The following C19orf53 variants were observed in gnomAD, a reference collection of about 807,000 sequenced individuals.
The protein encoded by C19orf53 is leydig cell tumor 10 kDa protein homolog.
In C19orf53, 9 loss-of-function variants were observed where a neutral mutation model predicts 6.5. The observed-to-expected ratio is 1.38, with a 90% CI of 0.83 to 2.40. The LOEUF is 2.40. C19orf53 is among the 30% of genes most tolerant of loss of function. C19orf53 has a pLI of 0.00. For missense variants in C19orf53, 166 were observed against 129.7 expected, an observed-to-expected ratio of 1.28 and a Z score of -1.36; for synonymous variants, 68 against 52.5, an observed-to-expected ratio of 1.29 and a Z score of -1.27.
Position 13,774,889 on chromosome 19 carries a change from G to A in C19orf53, c.153+182G>A, listed in dbSNP as rs749716483. ...GCGTTAGGAGCGAAGGATGGAGCCC[G>A]GGGCGCAGAGAGGGGTAAGAGGTGG... On this transcript the variant is annotated intron_variant, in intron 2 of 2. Coordinates refer to ENST00000588234, the MANE Select transcript of C19orf53 (RefSeq NM_014047.3). 4 of 787,508 alleles carry A rather than the reference G, an allele frequency of 5.1e-6. No individual in the cohort carries two copies. The African/African-American group carries it at 5.3e-5, about 10-fold the overall frequency. The allele number at this position is 787,508 out of a possible 1,614,324, so 48.8% of individuals were successfully genotyped here.
Position 13,778,059 on chromosome 19 carries a change from A to G in C19orf53, c.161A>G (p.Glu54Gly). Residue 54 changes from glutamate to glycine, a missense_variant, in exon 3 of 3, where the codon GAA (glutamate) becomes GGA (glycine). By Grantham distance (98) the Glu-to-Gly change is moderately conservative (BLOSUM62 -2). Coordinates refer to ENST00000588234, the MANE Select transcript of C19orf53 (RefSeq NM_014047.3). ...VQQQKLKKNLEVGIRKKIEHD... is the reference protein window; with the variant it reads ...VQQQKLKKNLGVGIRKKIEHD... ...CCCGTGCTTCTCCCTCAGAACCTAG[A>G]AGTCGGAATCCGGAAGAAGATCGAA... The G allele has an allele frequency of 2.5e-6, 4 of 1,610,194 alleles. No individual in the cohort carries two copies. The highest frequency in any genetic ancestry group is 1.1e-5 in the South Asian group (1 of 90,624).
chr19:13,777,918 C>T (rs1273953222), intron 2 of C19orf53, 134 bp from the exon 3 acceptor site: 1 of 1,152,062 alleles, frequency 8.7e-7, no homozygotes, highest in East Asian at 2.5e-5. Flanking sequence ...AGCCACCAGA[C>T]CCACAGTCAG....
At chr19:13,777,811 C>G (rs75643705) in intron 2 of C19orf53, among the ~76,000 whole-genome samples, 1,857 of 152,292 alleles carry the variant, frequency 0.012, 33 homozygotes, top group Middle Eastern at 0.017. Flanking sequence ...GTTTCCCCAT[C>G]CATAAAATGG....
At position 13,778,627 on chromosome 19, in the gene C19orf53, G is replaced by T. The variant is rs144669075; in HGVS notation, c.*429G>T. On this transcript the variant is annotated 3_prime_UTR_variant, in exon 3 of 3. Transcript: ENST00000588234. Reference sequence around the variant, plus strand: ...GGCCCTGAGCCTGAGAGCCGGGAAAGAGTCTTTTCTCCATTTAACCCCGGG... The same window carrying T: ...GGCCCTGAGCCTGAGAGCCGGGAAATAGTCTTTTCTCCATTTAACCCCGGG... 7.6e-4 allele frequency among the ~76,000 whole-genome samples: 116 copies of T among 152,264 alleles called. No homozygotes were observed. The highest frequency in any genetic ancestry group is 6.8e-3 in the Middle Eastern group (2 of 294).
chr19:13,778,582 A>C lies in C19orf53; in HGVS notation c.*384A>C, dbSNP rs1748863550. ...TTTAGCAACCATGTGCCCAGGGGAC[A>C]GCTGGGCTTCTACACCTCTGGCCCT... On this transcript the variant is annotated 3_prime_UTR_variant, in exon 3 of 3. Coordinates refer to ENST00000588234, the MANE Select transcript of C19orf53 (RefSeq NM_014047.3). The C allele has an allele frequency of 6.2e-6, 1 of 161,246 alleles. No individual in the cohort carries two copies. The highest frequency in any genetic ancestry group is 6.4e-5 in the Admixed American group (1 of 15,554). The allele number at this position is 161,246 out of a possible 1,614,324, so 10.0% of individuals were successfully genotyped here.
At chr19:13,774,773 G>A in intron 2 of C19orf53, 66 bp downstream of exon 2, 1 of 1,544,510 alleles carries the variant, frequency 6.5e-7, no homozygotes, top group South Asian at 1.2e-5. Context: ...CCGGAGGACG[G>A]CGAGGGGGGA....
At chr19:13,778,004 T>C in intron 2 of C19orf53, 48 bp from the exon 3 acceptor site, 5 of 1,566,126 alleles carry the variant, frequency 3.2e-6, no homozygotes, top group Non-Finnish European at 4.3e-6. Context: ...GGTCAGGCCC[T>C]CTCTCAGCCC....
rs368325308 is a variant in C19orf53 at position 13,778,713 on chromosome 19, A to G, written c.*515A>G. Among the ~76,000 whole-genome samples the G allele has an allele frequency of 1.3e-5, 2 of 152,324 alleles. No individual in the cohort carries two copies. The highest frequency in any genetic ancestry group is 4.1e-4 in the South Asian group (2 of 4,828). On this transcript the variant is annotated 3_prime_UTR_variant, in exon 3 of 3. Transcript: ENST00000588234. ...CACAACCAGAGTCAAGCTGGACATC[A>G]GTAGGTCAGATGCCACCTCACAGGA...
intron 2 of C19orf53, chr19:13,775,019 G>A (rs1023726991): frequency 4.1e-6 from 2 of 490,620 alleles, no homozygotes; most frequent in Non-Finnish European, 7.2e-6. Flanking sequence ...CAAGGGATGA[G>A]GCCTGGAGGA....
Position 13,774,520 on chromosome 19 carries a change from A to T in C19orf53, c.43A>T (p.Lys15Ter). 1 of 1,613,732 alleles carries T rather than the reference A, an allele frequency of 6.2e-7. No individual in the cohort carries two copies. The highest frequency in any genetic ancestry group is 8.5e-7 in the Non-Finnish European group (1 of 1,179,778). Residue 15 changes from lysine (K) to a stop codon, truncating the protein, a stop_gained, in exon 1 of 3, where the codon AAG becomes TAG. Transcript: ENST00000588234. LOFTEE classifies it high-confidence loss of function. Reference sequence around the variant, plus strand: ...CAAGTTTCAGGCGCACAAACCCGCAAAGAGTAAGACGGCAGCGGCAGCCTC... The same window carrying T: ...CAAGTTTCAGGCGCACAAACCCGCATAGAGTAAGACGGCAGCGGCAGCCTC... ...QRKFQAHKPAKSKTAAAASEK... is the reference protein window; with the variant it reads ...QRKFQAHKPA
At chr19:13,776,118 G>A (rs1033552642) in intron 2 of C19orf53, among the ~76,000 whole-genome samples, 5 of 141,776 alleles carry the variant, frequency 3.5e-5, no homozygotes, top group East Asian at 4.1e-4. Flanking sequence ...CCACCACACC[G>A]GGCTAATTTT....
At chr19:13,776,926 G>C (rs1974377300) in intron 2 of C19orf53, among the ~76,000 whole-genome samples, 2 of 152,228 alleles carry the variant, frequency 1.3e-5, no homozygotes, top group Non-Finnish European at 2.9e-5. Context: ...CGATGCTGGT[G>C]ATCGTGGTCA....
chr19:13,777,353 A>G (rs1432713755), intron 2 of C19orf53, among the ~76,000 whole-genome samples: 1 of 151,824 alleles, frequency 6.6e-6, no homozygotes, highest in African/African-American at 2.4e-5. Flanking sequence ...TCGACCACCC[A>G]AACAGCTGAG....
Position 13,778,297 on chromosome 19 carries a change from T to G in C19orf53, c.*99T>G, listed in dbSNP as rs924691501. On this transcript the variant is annotated 3_prime_UTR_variant, in exon 3 of 3. Coordinates refer to ENST00000588234, the MANE Select transcript of C19orf53 (RefSeq NM_014047.3). ...CTGCACTGTCAGGAAGAGGACCCTG[T>G]CCCCCAGCACTGGGCTTCACCTAGA... 2 of 1,389,692 alleles carry G rather than the reference T, an allele frequency of 1.4e-6. No homozygotes were observed. Among genetic ancestry groups the G allele is most frequent in the South Asian group, 1.6e-5 (1 of 61,020 alleles). 86.1% of individuals were successfully genotyped at this position (1,389,692 alleles called of 1,614,324 possible). A position where few individuals can be genotyped will look rare whatever the true frequency, so the allele number is the denominator to read the frequency against.
intron 2 of C19orf53, 138 bp downstream of exon 2, chr19:13,774,845 G>T: frequency 1.6e-6 from 2 of 1,212,616 alleles, no homozygotes; most frequent in Non-Finnish European, 2.3e-6. Context: ...CTAGGAGCGA[G>T]GGGATAGAGC....
Position 13,775,796 on chromosome 19 carries a change from G to C in C19orf53, c.153+1089G>C, listed in dbSNP as rs78292641. Among the ~76,000 whole-genome samples, 1,299 of 152,228 alleles carry C rather than the reference G, an allele frequency of 8.5e-3. 12 individuals are homozygous for C. The highest frequency in any genetic ancestry group is 0.015 in the Non-Finnish European group (1,004 of 68,016). On this transcript the variant is annotated intron_variant, in intron 2 of 2. Coordinates refer to ENST00000588234, the MANE Select transcript of C19orf53 (RefSeq NM_014047.3). ...CCACTGGCCCGCTTACCTCCGTGGA[G>C]TGGGGAATCTCATGGTCACCTTGCA... is the stretch of plus-strand genomic sequence containing the variant.
Position 13,778,071 on chromosome 19 carries a change from GGAA to G in C19orf53, c.179_181del (p.Lys60del), listed in dbSNP as rs779694912. ...CCTCAGAACCTAGAAGTCGGAATCC[GGAA>G]GAAGATCGAACATGACGTGGTGATG... On this transcript the variant is annotated inframe_deletion, in exon 3 of 3. Coordinates refer to ENST00000588234, the MANE Select transcript of C19orf53 (RefSeq NM_014047.3). 126 of 1,611,720 alleles carry G rather than the reference GGAA, an allele frequency of 7.8e-5. No individual in the cohort carries two copies. The highest frequency in any genetic ancestry group is 9.4e-5 in the Non-Finnish European group (111 of 1,178,698).
At position 13,778,294 on chromosome 19, in the gene C19orf53, C is replaced by T; in HGVS notation, c.*96C>T. 7.1e-7 allele frequency: 1 copy of T among 1,401,744 alleles called. No homozygotes were observed. The highest frequency in any genetic ancestry group is 2.8e-5 in the Admixed American group (1 of 35,498). The allele number at this position is 1,401,744 out of a possible 1,614,324, so 86.8% of individuals were successfully genotyped here. Reference sequence around the variant, plus strand: ...AGGCTGCACTGTCAGGAAGAGGACCCTGTCCCCCAGCACTGGGCTTCACCT... The same window carrying T: ...AGGCTGCACTGTCAGGAAGAGGACCTTGTCCCCCAGCACTGGGCTTCACCT... On this transcript the variant is annotated 3_prime_UTR_variant, in exon 3 of 3. Transcript: ENST00000588234.
Position 13,774,663 on chromosome 19 carries a change from G to C in C19orf53, c.109G>C (p.Ala37Pro). Residue 37 changes from alanine (A) to proline (P), a missense_variant, in exon 2 of 3, where the codon GCT becomes CCT. Ala to Pro is a conservative substitution (Grantham distance 27, BLOSUM62 -1). Coordinates refer to ENST00000588234, the MANE Select transcript of C19orf53 (RefSeq NM_014047.3). Reference sequence around the variant, plus strand: ...ACATCTTTCCCCAGGTCGTGTTATCGCTCCCAAGAAGGCGCGCGTCGTGCA... The same window carrying C: ...ACATCTTTCCCCAGGTCGTGTTATCCCTCCCAAGAAGGCGCGCGTCGTGCA... The part of the protein sequence containing the change: ...RGPRKGGRVI[A>P]PKKARVVQQQ... 6.2e-7 allele frequency: 1 copy of C among 1,609,868 alleles called. No individual in the cohort carries two copies. The highest frequency in any genetic ancestry group is 8.5e-7 in the Non-Finnish European group (1 of 1,176,402).
Sources: allele counts gnomAD v4.1 joint callset (sites outside exome capture counted in the v4.1 genomes callset), GRCh38; gene constraint gnomAD v4.1.1; transcripts MANE v1.5; gene names NCBI Gene and HGNC (gene_info 2026-07-23, HGNC 2026-07-21).